C1GALT1: variants seen among roughly 807,000 people sequenced by gnomAD.
C1GALT1 encodes the protein core 1 synthase, glycoprotein-N-acetylgalactosamine 3-beta-galactosyltransferase 1.
In C1GALT1, 11 loss-of-function variants were observed where a neutral mutation model predicts 31.0. The observed-to-expected ratio is 0.36, with a 90% CI of 0.22 to 0.59. The LOEUF is 0.59. Among genes scored for constraint, C1GALT1 ranks in the 20% least tolerant of loss-of-function variants. The pLI, the probability that C1GALT1 is intolerant of heterozygous loss-of-function variation, is 0.79. For missense variants in C1GALT1, 424 were observed against 425.2 expected, an observed-to-expected ratio of 1.00 and a Z score of 0.03; for synonymous variants, 175 against 143.6, an observed-to-expected ratio of 1.22 and a Z score of -1.56.
intron 1 of C1GALT1, among the ~76,000 whole-genome samples, chr7:7,199,528 G>A (rs1470128900): frequency 1.3e-5 from 2 of 152,194 alleles, no homozygotes; most frequent in Non-Finnish European, 2.9e-5. Context: ...ATTTGGGATG[G>A]AGAGTTCTGT....
intron 1 of C1GALT1, among the ~76,000 whole-genome samples, chr7:7,183,268 G>A (rs1780668211): frequency 6.6e-6 from 1 of 152,088 alleles, no homozygotes; most frequent in Non-Finnish European, 1.5e-5. Flanking sequence ...GGTCCCGCCG[G>A]ACTGGGCGCC....
At chr7:7,219,090 G>A (rs539520150) in intron 1 of C1GALT1, among the ~76,000 whole-genome samples, 127 of 152,098 alleles carry the variant, frequency 8.3e-4, no homozygotes, top group African/African-American at 2.8e-3. Flanking sequence ...CGCCCGCCTC[G>A]GCCTCCCAAA....
chr7:7,238,326 C>G lies in C1GALT1; in HGVS notation c.292C>G (p.Gln98Glu). 6.2e-7 allele frequency: 1 copy of G among 1,613,994 alleles called. No individual in the cohort carries two copies. The highest frequency in any genetic ancestry group is 8.5e-7 in the Non-Finnish European group (1 of 1,179,962). Reference sequence around the variant, plus strand: ...TCTTTGCTGGGTTATGACCGGCCCTCAAAACCTAGAGAAAAAGGCCAAACA... The same window carrying G: ...TCTTTGCTGGGTTATGACCGGCCCTGAAAACCTAGAGAAAAAGGCCAAACA... ...RILCWVMTGPQNLEKKAKHVK... is the reference protein window; with the variant it reads ...RILCWVMTGPENLEKKAKHVK... Residue 98 changes from glutamine (Q) to glutamate (E), a missense_variant, in exon 3 of 4, where the codon CAA becomes GAA. Gln to Glu is a conservative substitution (Grantham distance 29). Coordinates refer to ENST00000436587, the MANE Select transcript of C1GALT1 (RefSeq NM_020156.5). The surrounding 1 kb of genome is among the most constrained non-coding windows in gnomAD (Gnocchi z 5.2).
rs745643466 is a variant in C1GALT1 at position 7,238,292 on chromosome 7, A to T, written c.258A>T (p.Lys86Asn). The T allele has an allele frequency of 1.2e-6, 2 of 1,608,170 alleles. No individual in the cohort carries two copies. Among genetic ancestry groups the T allele is most frequent in the Non-Finnish European group, 1.7e-6 (2 of 1,178,480 alleles). Reference sequence around the variant, plus strand: ...ACATTGCTGAAAACCTCTATCAGAAAGTTAGAATTCTTTGCTGGGTTATGA... The same window carrying T: ...ACATTGCTGAAAACCTCTATCAGAATGTTAGAATTCTTTGCTGGGTTATGA... Reference protein sequence around the residue: ...NTDIAENLYQKVRILCWVMTG... With the variant: ...NTDIAENLYQNVRILCWVMTG... The change falls in exon 3 of 4, where the codon AAA (lysine) becomes AAT (asparagine). Residue 86 changes from lysine to asparagine, a missense_variant. Physicochemically the swap from Lys to Asn is moderately conservative, Grantham distance 94. Transcript: ENST00000436587. The surrounding 1 kb of genome is among the most constrained non-coding windows in gnomAD (Gnocchi z 5.2).
chr7:7,245,034 A>AAAC lies in C1GALT1; in HGVS notation c.*1308_*1309insACA, dbSNP rs1276708265. The stretch of plus-strand genomic sequence containing the variant: ...ATTCTATTTTTAGTGACTCTGTTTA[A>AAAC]AGAGTTTCTGAAAGGAAAGAAATTT... On this transcript the variant is annotated 3_prime_UTR_variant, in exon 4 of 4. Transcript: ENST00000436587. 6.6e-6 allele frequency: 1 copy of AAAC among 152,236 alleles called. No homozygotes were observed. 9.4% of individuals were successfully genotyped at this position (152,236 alleles called of 1,614,324 possible).
intron 1 of C1GALT1, among the ~76,000 whole-genome samples, chr7:7,221,789 A>G (rs1256782892): frequency 6.6e-6 from 1 of 152,176 alleles, no homozygotes; most frequent in East Asian, 1.9e-4. Flanking sequence ...TCAGACTCCT[A>G]GTGTCTGTTG....
At chr7:7,237,535 G>A (rs879543827) in intron 2 of C1GALT1, among the ~76,000 whole-genome samples, 1 of 152,152 alleles carries the variant, frequency 6.6e-6, no homozygotes, top group Non-Finnish European at 1.5e-5. Context: ...TTGCAAACCT[G>A]TAGTTTAAAG....
chr7:7,183,203 C>T (rs1214756849), intron 1 of C1GALT1, among the ~76,000 whole-genome samples: 1 of 151,830 alleles, frequency 6.6e-6, no homozygotes, highest in South Asian at 2.1e-4. Context: ...TCCTGCCCCG[C>T]CGGGCCCTCC....
chr7:7,226,162 G>C (rs1782750697), intron 1 of C1GALT1, among the ~76,000 whole-genome samples: 1 of 152,038 alleles, frequency 6.6e-6, no homozygotes. Flanking sequence ...GTAAATGTAA[G>C]GTGTGTGACT....
rs1179012205 is a variant in C1GALT1, at chr7:7,238,583, T to G, written c.549T>G (p.Leu183=). The G allele has an allele frequency of 3.1e-6, 5 of 1,613,978 alleles. No individual in the cohort carries two copies. The highest frequency in any genetic ancestry group is 4.2e-6 in the Non-Finnish European group (5 of 1,179,984). The part of the protein sequence containing the change: ...YVILDNLRWL[L]SKYDPEEPIY... ...TACTAGACAATTTGAGGTGGCTTCT[T>G]TCAAAATACGACCCTGAAGAACCCA... The change falls in exon 3 of 4, where the codon CTT becomes CTG. Residue 183 remains leucine (L), a synonymous_variant. Coordinates refer to ENST00000436587, the MANE Select transcript of C1GALT1 (RefSeq NM_020156.5). The surrounding 1 kb of genome is among the most constrained non-coding windows in gnomAD (Gnocchi z 5.2).
intron 1 of C1GALT1, among the ~76,000 whole-genome samples, chr7:7,183,824 CTA>C (rs1373426584): frequency 2.0e-5 from 3 of 152,114 alleles, no homozygotes; most frequent in Non-Finnish European, 4.4e-5. Flanking sequence ...AGATAGAAAA[CTA>C]TTGTGCTAAC....
intron 1 of C1GALT1, among the ~76,000 whole-genome samples, chr7:7,205,986 C>A (rs1781722284): frequency 6.6e-6 from 1 of 152,014 alleles, no homozygotes; most frequent in Non-Finnish European, 1.5e-5. Flanking sequence ...GCATTACTGT[C>A]TCATTTCTTT....
upstream of C1GALT1, among the ~76,000 whole-genome samples, chr7:7,181,288 A>C (rs1780582206): frequency 9.7e-6 from 1 of 102,968 alleles, no homozygotes; most frequent in Non-Finnish European, 2.1e-5. Flanking sequence ...GAGGCTGAGC[A>C]ACAACTGTAT....
At chr7:7,175,151 TAGC>T (rs934671897) in intron 2 of C1GALT1, among the ~76,000 whole-genome samples, 62 of 149,840 alleles carry the variant, frequency 4.1e-4, no homozygotes, top group African/African-American at 1.4e-3. Context: ...TTGAAGGCTG[TAGC>T]AGTCAGTTTA....
chr7:7,170,037 T>C (rs909193065), intron 2 of C1GALT1, among the ~76,000 whole-genome samples: 5 of 152,230 alleles, frequency 3.3e-5, no homozygotes, highest in Admixed American at 6.5e-5. Context: ...CTGGCCTTGT[T>C]GTAGGTCTAG....
chr7:7,234,728 A>G, intron 2 of C1GALT1, 189 bp downstream of exon 2: 1 of 513,798 alleles, frequency 1.9e-6, no homozygotes, highest in Non-Finnish European at 3.4e-6. Context: ...TTAATTTTGA[A>G]TTCGTTTTTA....
At chr7:7,202,756 A>G (rs1027795738) in intron 1 of C1GALT1, among the ~76,000 whole-genome samples, 5 of 152,172 alleles carry the variant, frequency 3.3e-5, no homozygotes, top group Admixed American at 3.3e-4. Context: ...CTCTTTCTGC[A>G]GAAAGCATTG....
chr7:7,163,381 A>G (rs1490475659), intron 2 of C1GALT1, among the ~76,000 whole-genome samples: 2 of 152,180 alleles, frequency 1.3e-5, no homozygotes, highest in Non-Finnish European at 2.9e-5. Context: ...CAAAAACTGG[A>G]AGCATTCCCT....
chr7:7,189,719 T>C (rs1189961279), intron 1 of C1GALT1, among the ~76,000 whole-genome samples: 6 of 152,180 alleles, frequency 3.9e-5, no homozygotes, highest in Non-Finnish European at 8.8e-5. Context: ...TCATAGTGTT[T>C]TAATAGTCAC....
Sources: gnomAD v4.1 joint callset for allele counts (sites outside exome capture counted in the v4.1 genomes callset) on GRCh38, gnomAD v4.1.1 for gene constraint, Gnocchi (gnomAD v3.1) non-coding constraint, MANE v1.5 for transcripts, NCBI Gene and HGNC (gene_info 2026-07-23, HGNC 2026-07-21) for gene names.